Variants in DHX35 observed in about 807,000 individuals in gnomAD.
DHX35 encodes probable ATP-dependent RNA helicase DHX35.
Under a neutral mutation model 99.6 loss-of-function variants are expected in DHX35, and 84 were observed. The ratio of observed to expected loss-of-function variants is 0.84; its 90% confidence interval spans 0.71 to 1.01. DHX35 has a LOEUF of 1.01. Ranked by LOEUF, DHX35 falls within the 50% of genes least tolerant of loss-of-function variation. The pLI, the probability that DHX35 is intolerant of heterozygous loss-of-function variation, is 0.00. For synonymous variants in DHX35, 331 were observed against 316.2 expected, an observed-to-expected ratio of 1.05 and a Z score of -0.50; for missense variants, 852 against 888.5, an observed-to-expected ratio of 0.96 and a Z score of 0.52.
In DHX35 at chr20:39,018,870, C is replaced by A. The variant is rs2086829278; in HGVS notation, c.1469C>A (p.Pro490His). 6.2e-7 allele frequency: 1 copy of A among 1,614,006 alleles called. No individual in the cohort carries two copies. Among genetic ancestry groups the A allele is most frequent in the South Asian group, 1.1e-5 (1 of 91,080 alleles). ...AGAATTGCAGAGTTTCCTTTGAATCCCATGTTTGCCAAAATGCTGCTTGAA... is the reference window on the plus strand; with the variant it reads ...AGAATTGCAGAGTTTCCTTTGAATCACATGTTTGCCAAAATGCTGCTTGAA... Reference protein sequence around the residue: ...GMRIAEFPLNPMFAKMLLESG... With the variant: ...GMRIAEFPLNHMFAKMLLESG... Residue 490 changes from proline (P) to histidine (H), a missense_variant, in exon 15 of 22, where the codon CCC (proline) becomes CAC (histidine). Transcript: ENST00000252011.
chr20:38,971,141 CAAG>C (rs2085989331), intron 2 of DHX35, among the ~76,000 whole-genome samples: 1 of 151,986 alleles, frequency 6.6e-6, no homozygotes, highest in Non-Finnish European at 1.5e-5. Context: ...TCACTTGAGA[CAAG>C]GAGTTCGAGA....
intron 4 of DHX35, among the ~76,000 whole-genome samples, chr20:38,985,078 T>G (rs2086229850): frequency 6.6e-6 from 1 of 152,112 alleles, no homozygotes. Context: ...AATTCTTTTG[T>G]TGTTTTTAAA....
rs955079062 is a variant in DHX35 at position 39,039,534 on chromosome 20, C to A, written c.*991C>A. On this transcript the variant is annotated 3_prime_UTR_variant, in exon 22 of 22. Transcript: ENST00000252011. ...GCAGATTTTTTCCCCCTTACTGTTT[C>A]AATGACCTTTATTTTAAAAACACAT... The A allele has an allele frequency of 1.3e-5, 2 of 152,210 alleles. No homozygotes were observed. Among genetic ancestry groups the A allele is most frequent in the Non-Finnish European group, 2.9e-5 (2 of 68,016 alleles). 9.4% of individuals were successfully genotyped at this position (152,210 alleles called of 1,614,324 possible).
At chr20:39,021,794 G>C (rs759208608) in intron 15 of DHX35, 47 bp from the exon 16 acceptor site, 1 of 1,574,118 alleles carries the variant, frequency 6.4e-7, no homozygotes, top group Non-Finnish European at 8.7e-7. Flanking sequence ...TTCACTTCTT[G>C]TTGGCACATT....
At chr20:38,998,163 A>G (rs1242369689) in intron 8 of DHX35, among the ~76,000 whole-genome samples, 3 of 152,266 alleles carry the variant, frequency 2.0e-5, no homozygotes, top group African/African-American at 7.2e-5. Flanking sequence ...GGATATAATT[A>G]TGAAGTATTT....
intron 13 of DHX35, among the ~76,000 whole-genome samples, chr20:39,011,466 G>A (rs527538469): frequency 1.3e-4 from 20 of 152,236 alleles, no homozygotes; most frequent in African/African-American, 4.6e-4. Flanking sequence ...CTCTTGAGTG[G>A]CTGGGATTAC....
intron 3 of DHX35, among the ~76,000 whole-genome samples, chr20:38,974,012 G>T (rs558239610): frequency 2.6e-5 from 4 of 152,302 alleles, no homozygotes; most frequent in African/African-American, 9.6e-5. Flanking sequence ...GAACATTCAT[G>T]TGCTTGTCTT....
intron 3 of DHX35, among the ~76,000 whole-genome samples, chr20:38,979,341 G>C (rs555283725): frequency 1.3e-5 from 2 of 151,964 alleles, no homozygotes; most frequent in Non-Finnish European, 2.9e-5. Flanking sequence ...ATACTTATGG[G>C]GTTGCTGGCT....
At position 39,003,853 on chromosome 20, in the gene DHX35, G is replaced by T. The variant is rs1717831488; in HGVS notation, c.957G>T (p.Leu319=). Reference sequence around the variant, plus strand: ...GAGTTCTCCCCATGTATGCAGGACTGCCTTCCTTTGAGCAAATGAAAGTGT... The same window carrying T: ...GAGTTCTCCCCATGTATGCAGGACTTCCTTCCTTTGAGCAAATGAAAGTGT... ...HLRVLPMYAG[L]PSFEQMKVFE... The change falls in exon 11 of 22, where the codon CTG becomes CTT. Residue 319 remains leucine, a synonymous_variant. Coordinates refer to ENST00000252011, the MANE Select transcript of DHX35 (RefSeq NM_021931.4). 2 of 1,614,080 alleles carry T rather than the reference G, an allele frequency of 1.2e-6. No individual in the cohort carries two copies. Among genetic ancestry groups the T allele is most frequent in the African/African-American group, 2.7e-5 (2 of 74,924 alleles).
intron 4 of DHX35, among the ~76,000 whole-genome samples, chr20:38,987,872 T>C (rs62202577): frequency 0.015 from 2,235 of 152,296 alleles, 60 homozygotes; most frequent in African/African-American, 0.051. Context: ...GTATTTCCCC[T>C]CTCAGTGGCT....
Position 39,038,718 on chromosome 20 carries a change from C to A in DHX35, c.*175C>A. 1.5e-6 allele frequency: 1 copy of A among 645,860 alleles called. No homozygotes were observed. Among genetic ancestry groups the A allele is most frequent in the Non-Finnish European group, 2.7e-6 (1 of 376,356 alleles). The allele number at this position is 645,860 out of a possible 1,614,324, so 40.0% of individuals were successfully genotyped here. On this transcript the variant is annotated 3_prime_UTR_variant, in exon 22 of 22. Coordinates refer to ENST00000252011, the MANE Select transcript of DHX35 (RefSeq NM_021931.4). Reference sequence around the variant, plus strand: ...TCCCGCTGCCCACAGCATTTGCATCCTTGCTGGGATCCTGGAGGACTTTGT... The same window carrying A: ...TCCCGCTGCCCACAGCATTTGCATCATTGCTGGGATCCTGGAGGACTTTGT...
At chr20:38,963,417 G>A (rs1204709838) in intron 1 of DHX35, among the ~76,000 whole-genome samples, 1 of 152,196 alleles carries the variant, frequency 6.6e-6, no homozygotes, top group Non-Finnish European at 1.5e-5. Context: ...TAAGTGATGT[G>A]AGAGATAAAC....
rs1475043569 is a variant in DHX35 at position 38,977,880 on chromosome 20, A to G, written c.267+5229A>G. ...ATTTTTTGGCTGGAGTATCTTGTATAGCTTTCTTTACTGGGGCTTTTTCTT... is the reference window on the plus strand; with the variant it reads ...ATTTTTTGGCTGGAGTATCTTGTATGGCTTTCTTTACTGGGGCTTTTTCTT... On this transcript the variant is annotated intron_variant, in intron 3 of 21. Transcript: ENST00000252011. The G allele has an allele frequency of 1.9e-5, 11 of 573,140 alleles. No homozygotes were observed. In the Admixed American group the frequency reaches 2.2e-4, roughly 11 times the overall value. 35.5% of individuals were successfully genotyped at this position (573,140 alleles called of 1,614,324 possible).
intron 21 of DHX35, among the ~76,000 whole-genome samples, chr20:39,034,692 A>G (rs1029478620): frequency 7.2e-5 from 11 of 151,828 alleles, no homozygotes; most frequent in African/African-American, 2.7e-4. Context: ...GATTCAAGCA[A>G]TTCTCCTGCC....
intron 1 of DHX35, among the ~76,000 whole-genome samples, chr20:38,966,951 C>A (rs1339625452): frequency 6.6e-6 from 1 of 152,178 alleles, no homozygotes; most frequent in African/African-American, 2.4e-5. Flanking sequence ...GTTCCAGGTC[C>A]TGTTCCATCT....
chr20:38,995,331 C>G (rs1378934816), intron 8 of DHX35, among the ~76,000 whole-genome samples: 2 of 152,090 alleles, frequency 1.3e-5, no homozygotes, highest in African/African-American at 4.8e-5. Context: ...TTGAGGCCAG[C>G]CTGGCCAACA....
Position 39,038,791 on chromosome 20 carries a change from G to C in DHX35, c.*248G>C. Reference sequence around the variant, plus strand: ...GCTGCAGCGGGCAGAGTGGGAGTTGGCTCACTCAGCACGCTCACTAACCCA... The same window carrying C: ...GCTGCAGCGGGCAGAGTGGGAGTTGCCTCACTCAGCACGCTCACTAACCCA... On this transcript the variant is annotated 3_prime_UTR_variant, in exon 22 of 22. Coordinates refer to ENST00000252011, the MANE Select transcript of DHX35 (RefSeq NM_021931.4). 2 of 555,654 alleles carry C rather than the reference G, an allele frequency of 3.6e-6. No homozygotes were observed. Among genetic ancestry groups the C allele is most frequent in the Non-Finnish European group, 6.5e-6 (2 of 309,482 alleles). The allele number at this position is 555,654 out of a possible 1,614,324, so 34.4% of individuals were successfully genotyped here.
chr20:38,995,553 TATA>T (rs1387654333), intron 8 of DHX35, among the ~76,000 whole-genome samples: 1 of 152,052 alleles, frequency 6.6e-6, no homozygotes, highest in Non-Finnish European at 1.5e-5. Context: ...CTCCTGTATA[TATA>T]ATAATTTCCA....
chr20:38,996,642 G>A lies in DHX35; in HGVS notation c.642+1762G>A, dbSNP rs958901969. Among the ~76,000 whole-genome samples, 12 of 152,294 alleles carry A rather than the reference G, an allele frequency of 7.9e-5. 1 individual carries two copies. Among genetic ancestry groups the A allele is most frequent in the African/African-American group, 2.2e-4 (9 of 41,552 alleles). ...AGGTGAGATGTGGTCCCTGGCTCCT[G>A]GCTCCTAGTCTCCCTGTGGCTTCTG... On this transcript the variant is annotated intron_variant, in intron 8 of 21. Transcript: ENST00000252011.
Sources: allele counts gnomAD v4.1 joint callset (sites outside exome capture counted in the v4.1 genomes callset), GRCh38; gene constraint gnomAD v4.1.1; transcripts MANE v1.5; gene names NCBI Gene and HGNC (gene_info 2026-07-23, HGNC 2026-07-21).